TMEM150C: variants seen among roughly 807,000 people sequenced by gnomAD.
The protein encoded by TMEM150C is transmembrane protein 150C.
A neutral mutation model predicts 29.9 loss-of-function variants in TMEM150C; 10 were observed. That is an observed-to-expected ratio of 0.33 (90% CI 0.21 to 0.57). The LOEUF (loss-of-function observed/expected upper bound fraction) is 0.57, where lower values mean the gene tolerates loss of function less well. Among genes scored for constraint, TMEM150C ranks in the 20% least tolerant of loss-of-function variants. TMEM150C has a pLI of 0.88. For synonymous variants in TMEM150C, 101 were observed against 112.5 expected, an observed-to-expected ratio of 0.90 and a Z score of 0.64; for missense variants, 251 against 303.6, an observed-to-expected ratio of 0.83 and a Z score of 1.29.
chr4:82,515,298 G>A lies in TMEM150C; in HGVS notation c.-10-10631C>T, dbSNP rs114214118. Among the ~76,000 whole-genome samples the A allele has an allele frequency of 3.1e-3, 473 of 152,240 alleles. 1 individual carries two copies. The highest frequency in any genetic ancestry group is 0.014 in the Middle Eastern group (4 of 294). On this transcript the variant is annotated intron_variant, in intron 1 of 7. Transcript: ENST00000449862. Reference sequence around the variant, plus strand: ...TTTTAGAAAGGTTTTATAAATATGCGCACATAAGTTTTCCTTAAAGATTTC... The same window carrying A: ...TTTTAGAAAGGTTTTATAAATATGCACACATAAGTTTTCCTTAAAGATTTC...
At chr4:82,486,572 T>C (rs1723169231) in intron 7 of TMEM150C, among the ~76,000 whole-genome samples, 1 of 151,976 alleles carries the variant, frequency 6.6e-6, no homozygotes, top group South Asian at 2.1e-4. Flanking sequence ...ATTCCTCGTA[T>C]CACGTCTAAA....
intron 1 of TMEM150C, among the ~76,000 whole-genome samples, chr4:82,536,137 G>A (rs1321252976): frequency 6.6e-6 from 1 of 152,050 alleles, no homozygotes; most frequent in Admixed American, 6.6e-5. Context: ...AAGGCAGGTG[G>A]ATCACGAAGT....
intron 1 of TMEM150C, among the ~76,000 whole-genome samples, chr4:82,542,383 A>G (rs1302740247): frequency 6.6e-6 from 1 of 152,244 alleles, no homozygotes; most frequent in Non-Finnish European, 1.5e-5. Flanking sequence ...AATGTGGACA[A>G]ATAAAATGGG....
chr4:82,531,253 C>T (rs1724835467), intron 1 of TMEM150C, among the ~76,000 whole-genome samples: 1 of 152,090 alleles, frequency 6.6e-6, no homozygotes, highest in Admixed American at 6.6e-5. Flanking sequence ...GCCTTCGAGA[C>T]ATTTAGGAGA....
rs193250010 is a variant in TMEM150C, at chr4:82,509,513, C to T, written c.-10-4846G>A. Among the ~76,000 whole-genome samples, 265 of 151,944 alleles carry T rather than the reference C, an allele frequency of 1.7e-3. 1 individual carries two copies. Among genetic ancestry groups the T allele is most frequent in the African/African-American group, 6.1e-3 (254 of 41,476 alleles). ...GGGGTCTTTATAAAGTCAAAATTCA[C>T]GGCCGGGTGGGGTGGCTCAAGCCTG... On this transcript the variant is annotated intron_variant, in intron 1 of 7. Transcript: ENST00000449862.
intron 1 of TMEM150C, among the ~76,000 whole-genome samples, chr4:82,530,290 G>C (rs1724797291): frequency 6.6e-6 from 1 of 152,110 alleles, no homozygotes; most frequent in Non-Finnish European, 1.5e-5. Context: ...AGGCACGGTG[G>C]CTCAAGCCTG....
intron 1 of TMEM150C, among the ~76,000 whole-genome samples, chr4:82,549,899 G>C (rs894674002): frequency 4.6e-5 from 7 of 152,148 alleles, no homozygotes; most frequent in African/African-American, 1.7e-4. Context: ...CAGGACCACA[G>C]AAGAGAGGAA....
intron 1 of TMEM150C, among the ~76,000 whole-genome samples, chr4:82,508,780 A>AT (rs2110072441): frequency 6.6e-6 from 1 of 152,132 alleles, no homozygotes; most frequent in Non-Finnish European, 1.5e-5. Flanking sequence ...CTTCTTTTTT[A>AT]TTCTACATAA....
At chr4:82,520,033 T>G (rs1724434835) in intron 1 of TMEM150C, among the ~76,000 whole-genome samples, 1 of 152,212 alleles carries the variant, frequency 6.6e-6, no homozygotes, top group Non-Finnish European at 1.5e-5. Context: ...GTTCTGCAGT[T>G]TGTGCACCAT....
chr4:82,539,522 G>A lies in TMEM150C; in HGVS notation c.-11+22384C>T, dbSNP rs556467914. 5.8e-3 allele frequency among the ~76,000 whole-genome samples: 880 copies of A among 151,266 alleles called. 5 individuals are homozygous for A. The highest frequency in any genetic ancestry group is 0.01 in the Middle Eastern group (3 of 294). ...GGCTGGAGTGCAGTGGCACGATCTC[G>A]GCTCACTGCAAGCTCCGCCTCCCGG... On this transcript the variant is annotated intron_variant, in intron 1 of 7. Transcript: ENST00000449862.
chr4:82,504,436 A>T (rs956324676), intron 2 of TMEM150C, 142 bp downstream of exon 2: 2 of 564,328 alleles, frequency 3.5e-6, no homozygotes, highest in African/African-American at 3.8e-5. Context: ...CCTGACCTCA[A>T]GTGATCTGCC....
At chr4:82,491,007 T>C in intron 6 of TMEM150C, 1 of 738,832 alleles carries the variant, frequency 1.4e-6, no homozygotes, top group Non-Finnish European at 2.5e-6. Flanking sequence ...CAAGTTAACC[T>C]GTGTGAAGAC....
chr4:82,520,293 T>G (rs1724441396), intron 1 of TMEM150C, among the ~76,000 whole-genome samples: 1 of 152,236 alleles, frequency 6.6e-6, no homozygotes, highest in Non-Finnish European at 1.5e-5. Flanking sequence ...TACTTAACCA[T>G]GCAATGTGGA....
intron 7 of TMEM150C, among the ~76,000 whole-genome samples, chr4:82,486,306 A>C (rs1055421979): frequency 5.1e-5 from 7 of 137,980 alleles, no homozygotes; most frequent in African/African-American, 2.0e-4. Context: ...ACTGCACTCC[A>C]GGCTGGTGGA....
At chr4:82,521,898 G>A (rs1256783860) in intron 1 of TMEM150C, among the ~76,000 whole-genome samples, 1 of 152,026 alleles carries the variant, frequency 6.6e-6, no homozygotes, top group Non-Finnish European at 1.5e-5. Context: ...GTGCTTAGAG[G>A]ATGAAATTTG....
intron 1 of TMEM150C, among the ~76,000 whole-genome samples, chr4:82,529,980 C>G (rs1337436623): frequency 6.6e-6 from 1 of 151,636 alleles, no homozygotes; most frequent in Non-Finnish European, 1.5e-5. Context: ...GTGTAGGGCT[C>G]CATGTGCTGC....
intron 1 of TMEM150C, among the ~76,000 whole-genome samples, chr4:82,533,493 C>T (rs1211854838): frequency 3.3e-5 from 5 of 152,162 alleles, no homozygotes; most frequent in African/African-American, 1.2e-4. Flanking sequence ...CAGTTTTGAG[C>T]TGATGCAGTT....
In TMEM150C at chr4:82,489,964, T is replaced by C. The variant is rs1439311234; in HGVS notation, c.541+97A>G. 9.9e-6 allele frequency: 12 copies of C among 1,216,994 alleles called. No individual in the cohort carries two copies. In the South Asian group the frequency reaches 1.5e-4, roughly 15 times the overall value. The allele number at this position is 1,216,994 out of a possible 1,614,324, so 75.4% of individuals were successfully genotyped here. A position where few individuals can be genotyped will look rare whatever the true frequency, so the allele number is the denominator to read the frequency against. ...CCTTTGCCTTAAGATTCTGAGAAGA[T>C]CTGGCAGAATATCCTAACCCACTGG... On this transcript the variant is annotated intron_variant, in intron 7 of 7. Transcript: ENST00000449862.
At position 82,496,181 on chromosome 4, in the gene TMEM150C, C is replaced by T; in HGVS notation, c.250G>A (p.Val84Ile). 2 of 1,613,962 alleles carry T rather than the reference C, an allele frequency of 1.2e-6. No individual in the cohort carries two copies. Among genetic ancestry groups the T allele is most frequent in the Middle Eastern group, 1.6e-4 (1 of 6,062 alleles). The change falls in exon 6 of 8, where the codon GTT becomes ATT. Residue 84 changes from valine to isoleucine, a missense_variant. By Grantham distance (29) the Val-to-Ile change is conservative (BLOSUM62 3). Transcript: ENST00000449862. ...GGTTTCAGTTGTATGAAGCGCAGAA[C>T]AGCTACCACAAGGGCTAGGAATAAA... The part of the protein sequence containing the change: ...MAAFLALVVA[V>I]LRFIQLKPKV...
Sources: allele counts gnomAD v4.1 joint callset (sites outside exome capture counted in the v4.1 genomes callset), GRCh38; gene constraint gnomAD v4.1.1; transcripts MANE v1.5; gene names NCBI Gene and HGNC (gene_info 2026-07-23, HGNC 2026-07-21).